CACHD1: variants seen among roughly 807,000 people sequenced by gnomAD.
CACHD1 encodes VWFA and cache domain-containing protein 1.
CACHD1 carries 71 observed loss-of-function variants against 138.7 expected under a neutral mutation model. The ratio of observed to expected loss-of-function variants is 0.51; its 90% confidence interval spans 0.42 to 0.62. The LOEUF (loss-of-function observed/expected upper bound fraction) is 0.62. CACHD1 is among the 20% of genes least tolerant of loss of function. The pLI is 0.00. For missense variants in CACHD1, 1,389 were observed against 1,625.3 expected (o/e 0.85, Z 2.50); for synonymous variants, 578 against 591.5 (o/e 0.98, Z 0.33).
At chr1:64,574,250 T>C (rs1464272720) in intron 2 of CACHD1, among the ~76,000 whole-genome samples, 2 of 152,198 alleles carry the variant, frequency 1.3e-5, no homozygotes, top group Admixed American at 6.5e-5. Flanking sequence ...TGAGCCTCGA[T>C]TTCCTTGATT....
chr1:64,482,818 G>T (rs1646218863), intron 1 of CACHD1, among the ~76,000 whole-genome samples: 1 of 152,074 alleles, frequency 6.6e-6, no homozygotes, highest in Non-Finnish European at 1.5e-5. Flanking sequence ...ACAAATGTAG[G>T]CAAGAGTTAC....
At chr1:64,634,332 A>G in intron 7 of CACHD1, 72 bp downstream of exon 7, 3 of 967,810 alleles carry the variant, frequency 3.1e-6, no homozygotes, top group Non-Finnish European at 4.9e-6. Flanking sequence ...TTGTAAATTG[A>G]TCACACAATG....
At chr1:64,536,993 A>C (rs1046798081) in intron 1 of CACHD1, among the ~76,000 whole-genome samples, 13 of 152,162 alleles carry the variant, frequency 8.5e-5, no homozygotes, top group Admixed American at 1.3e-4. Flanking sequence ...GACATACCTG[A>C]AGTCTGGAAA....
intron 1 of CACHD1, among the ~76,000 whole-genome samples, chr1:64,525,261 A>C (rs1469765532): frequency 6.6e-6 from 1 of 152,226 alleles, no homozygotes; most frequent in Non-Finnish European, 1.5e-5. Flanking sequence ...AGTACTCAAG[A>C]TCAGAGACAG....
intron 22 of CACHD1, among the ~76,000 whole-genome samples, chr1:64,677,476 T>G (rs1448406177): frequency 6.6e-6 from 1 of 152,224 alleles, no homozygotes; most frequent in Non-Finnish European, 1.5e-5. Context: ...ATGGAAATAG[T>G]GGCTGTGGTA....
Position 64,675,987 on chromosome 1 carries a change from AAATAATTAATAATAAT to A in CACHD1, c.2975+11_2975+26del. 1 of 982,910 alleles carries A rather than the reference AAATAATTAATAATAAT, an allele frequency of 1.0e-6. No homozygotes were observed. Among genetic ancestry groups the A allele is most frequent in the Non-Finnish European group, 1.4e-6 (1 of 725,092 alleles). 60.9% of individuals were successfully genotyped at this position (982,910 alleles called of 1,614,324 possible). ...ACCTCACCAATGCAGAGAACCGGTA[AAATAATTAATAATAAT>A]AATAATAATAATAATAATAATAATA... On this transcript the variant is annotated splice_donor_5th_base_variant and intron_variant, in intron 21 of 26. Transcript: ENST00000651257.
chr1:64,626,771 C>G (rs373156687), intron 4 of CACHD1, among the ~76,000 whole-genome samples: 4 of 152,308 alleles, frequency 2.6e-5, no homozygotes, highest in South Asian at 4.1e-4. Context: ...AGCACTTGTT[C>G]CCAACACCAT....
intron 19 of CACHD1, among the ~76,000 whole-genome samples, chr1:64,674,232 C>CG (rs1408808000): frequency 6.6e-6 from 1 of 152,130 alleles, no homozygotes; most frequent in African/African-American, 2.4e-5. Flanking sequence ...TAGTTTAAAA[C>CG]ATGAATATGT....
At position 64,681,212 on chromosome 1, in the gene CACHD1, T is replaced by C. The variant is rs1363893844; in HGVS notation, c.3407-46T>C. On this transcript the variant is annotated intron_variant, in intron 24 of 26. Transcript: ENST00000651257. ...CAGCAGGGTATTAAAGCGGGTGATT[T>C]TGTTTGATTAAATAGTCATGTTTCT... The C allele has an allele frequency of 3.4e-6, 5 of 1,466,346 alleles. No individual in the cohort carries two copies. In the South Asian group the frequency reaches 3.4e-5, roughly 10 times the overall value. The allele number at this position is 1,466,346 out of a possible 1,614,324, so 90.8% of individuals were successfully genotyped here.
chr1:64,666,848 CAAAAAAAAA>C (rs946649209), intron 16 of CACHD1, among the ~76,000 whole-genome samples: 3 of 33,956 alleles, frequency 8.8e-5, no homozygotes, highest in Admixed American at 2.7e-4. Flanking sequence ...GATCCTGTCT[CAAAAAAAAA>C]AAAAAAAAAA....
At chr1:64,667,644 G>C (rs1649679149) in intron 16 of CACHD1, among the ~76,000 whole-genome samples, 1 of 152,208 alleles carries the variant, frequency 6.6e-6, no homozygotes, top group Admixed American at 6.5e-5. Flanking sequence ...CTAATGGGTT[G>C]AGAAAAAGTA....
intron 6 of CACHD1, 24 bp from the exon 7 acceptor site, chr1:64,634,018 GTT>G (rs764180229): frequency 6.6e-4 from 795 of 1,197,090 alleles, no homozygotes; most frequent in South Asian, 7.5e-4. Context: ...AAGTTTGGTG[GTT>G]TTTTTTTTTT....
In CACHD1 at chr1:64,658,813, C is replaced by T. The variant is rs752491620; in HGVS notation, c.1891C>T (p.Arg631Trp). 6.3e-6 allele frequency: 10 copies of T among 1,596,414 alleles called. No homozygotes were observed. The highest frequency in any genetic ancestry group is 2.3e-5 in the East Asian group (1 of 44,354). ...TVPSSKLLYH[R>W]LDLLGQPSAC... Reference sequence around the variant, plus strand: ...TCCCAGCAGCAAGCTGCTGTACCACCGGCTGGATCTCCTTGGCCAGCCCAG... The same window carrying T: ...TCCCAGCAGCAAGCTGCTGTACCACTGGCTGGATCTCCTTGGCCAGCCCAG... The change falls in exon 13 of 27, where the codon CGG (arginine) becomes TGG (tryptophan). Residue 631 changes from arginine to tryptophan, a missense_variant. Around this residue, in one of 5 missense-constraint regions of CACHD1, gnomAD observed 1,000 missense variants for 1,114.7 expected, o/e 0.90. Transcript: ENST00000651257.
intron 2 of CACHD1, among the ~76,000 whole-genome samples, chr1:64,557,300 A>AAAAG (rs1646806196): frequency 6.6e-6 from 1 of 152,190 alleles, no homozygotes. Context: ...TGGATCATTA[A>AAAAG]ATGGATCAGA....
rs1228685755 is a variant in CACHD1, at chr1:64,599,010, A to G, written c.411-3796A>G. 2.6e-5 allele frequency among the ~76,000 whole-genome samples: 4 copies of G among 151,452 alleles called. 1 individual carries two copies. In the East Asian group the frequency reaches 7.7e-4, roughly 29 times the overall value. ...TGAAGGCAGAGCCCCCATGAATGGC[A>G]TTAGTGCCCTTACAAAAGAGGTCTC... On this transcript the variant is annotated intron_variant, in intron 3 of 26. Coordinates refer to ENST00000651257, the MANE Select transcript of CACHD1 (RefSeq NM_020925.4).
chr1:64,640,937 A>G (rs1205121614), intron 7 of CACHD1, among the ~76,000 whole-genome samples: 1 of 152,002 alleles, frequency 6.6e-6, no homozygotes, highest in Non-Finnish European at 1.5e-5. Flanking sequence ...ACGGGACCAA[A>G]ATTAACTCTC....
At chr1:64,660,296 C>T (rs983969547) in intron 13 of CACHD1, among the ~76,000 whole-genome samples, 1 of 151,982 alleles carries the variant, frequency 6.6e-6, no homozygotes, top group Non-Finnish European at 1.5e-5. Context: ...TTTTTATTTC[C>T]TTTGCATATC....
intron 4 of CACHD1, among the ~76,000 whole-genome samples, chr1:64,606,387 T>C (rs1647341203): frequency 6.6e-6 from 1 of 152,042 alleles, no homozygotes; most frequent in African/African-American, 2.4e-5. Context: ...AGACCTTGAA[T>C]TGAGTGACTG....
At chr1:64,646,443 G>T (rs548146689) in intron 8 of CACHD1, among the ~76,000 whole-genome samples, 1 of 152,242 alleles carries the variant, frequency 6.6e-6, no homozygotes, top group African/African-American at 2.4e-5. Flanking sequence ...AGAAAGAAAT[G>T]ATTTGCCAGG....
Sources: allele counts gnomAD v4.1 joint callset (sites outside exome capture counted in the v4.1 genomes callset), GRCh38; gene constraint gnomAD v4.1.1; regional missense constraint gnomAD v4.1.1; transcripts MANE v1.5; gene names NCBI Gene and HGNC (gene_info 2026-07-23, HGNC 2026-07-21).